The following LRP1B variants were observed in gnomAD, a reference collection of about 807,000 sequenced individuals.
LRP1B encodes the protein low-density lipoprotein receptor-related protein 1B.
Under a neutral mutation model 556.6 loss-of-function variants are expected in LRP1B, and 217 were observed. That is an observed-to-expected ratio of 0.39 (90% CI 0.35 to 0.44). The LOEUF (loss-of-function observed/expected upper bound fraction) is 0.44. Ranked by LOEUF, LRP1B falls within the 20% of genes least tolerant of loss-of-function variation. The pLI is 1.00. For synonymous variants in LRP1B, 2,047 were observed against 1,865.8 expected (o/e 1.10, Z -2.50); for missense variants, 5,053 against 5,620.8 (o/e 0.90, Z 3.23).
Position 141,540,066 on chromosome 2 carries a change from C to T in LRP1B, c.206-59533G>A, listed in dbSNP as rs116916357. ...TAAGCTGCTCAAGTCATGATAATGC[C>T]ACTTAAATCTTGTTCTGTGCTTAAT... On this transcript the variant is annotated intron_variant, in intron 2 of 90. Coordinates refer to ENST00000389484, the MANE Select transcript of LRP1B (RefSeq NM_018557.3). 3.2e-4 allele frequency among the ~76,000 whole-genome samples: 49 copies of T among 152,136 alleles called. 1 individual carries two copies. In the East Asian group the frequency reaches 8.9e-3, roughly 28 times the overall value.
At chr2:140,346,375 T>G (rs2105107087) in intron 77 of LRP1B, among the ~76,000 whole-genome samples, 1 of 151,974 alleles carries the variant, frequency 6.6e-6, no homozygotes, top group South Asian at 2.1e-4. Context: ...CCTCTTTGAC[T>G]TGTTTAGTAA....
chr2:141,980,851 C>CCT (rs1214038529), intron 1 of LRP1B, among the ~76,000 whole-genome samples: 1 of 151,966 alleles, frequency 6.6e-6, no homozygotes, highest in Non-Finnish European at 1.5e-5. Context: ...CAACTCAAGA[C>CCT]TATGTTCACT....
intron 7 of LRP1B, among the ~76,000 whole-genome samples, chr2:141,136,423 T>C (rs1701493640): frequency 6.6e-6 from 1 of 151,892 alleles, no homozygotes; most frequent in Non-Finnish European, 1.5e-5. Context: ...AAATTATAAA[T>C]TAATCTATAC....
At chr2:140,762,467 A>AG (rs757429338) in intron 35 of LRP1B, among the ~76,000 whole-genome samples, 12 of 151,160 alleles carry the variant, frequency 7.9e-5, no homozygotes, top group Non-Finnish European at 1.6e-4. Flanking sequence ...ACAAATATTA[A>AG]GGGTTTTTTT....
At chr2:141,021,205 C>T (rs1303294916) in intron 11 of LRP1B, among the ~76,000 whole-genome samples, 2 of 152,014 alleles carry the variant, frequency 1.3e-5, no homozygotes. Flanking sequence ...TCACATTTCC[C>T]TGTATGCAGA....
intron 2 of LRP1B, among the ~76,000 whole-genome samples, chr2:141,718,607 G>A (rs978010531): frequency 6.6e-6 from 1 of 152,160 alleles, no homozygotes; most frequent in African/African-American, 2.4e-5. Context: ...TGTATCAACA[G>A]TATGAATCAT....
At chr2:140,302,963 TC>T (rs1683897328) in intron 83 of LRP1B, among the ~76,000 whole-genome samples, 1 of 145,670 alleles carries the variant, frequency 6.9e-6, no homozygotes, top group African/African-American at 2.5e-5. Flanking sequence ...ACCATTGAAC[TC>T]CTCAGGCTCC....
At chr2:140,662,825 A>G (rs1459949238) in intron 41 of LRP1B, among the ~76,000 whole-genome samples, 1 of 152,144 alleles carries the variant, frequency 6.6e-6, no homozygotes, top group East Asian at 1.9e-4. Context: ...GAAATTTAAA[A>G]TTTTTTACAC....
chr2:141,657,890 A>T (rs1290821101), intron 2 of LRP1B, among the ~76,000 whole-genome samples: 2 of 152,210 alleles, frequency 1.3e-5, no homozygotes, highest in African/African-American at 4.8e-5. Flanking sequence ...TGAAACATAC[A>T]TTCATTTTGC....
intron 7 of LRP1B, among the ~76,000 whole-genome samples, chr2:141,162,518 C>A (rs1337088507): frequency 6.6e-6 from 1 of 152,030 alleles, no homozygotes; most frequent in African/African-American, 2.4e-5. Context: ...TACTATGAGT[C>A]ATAAAGTACT....
intron 2 of LRP1B, among the ~76,000 whole-genome samples, chr2:141,636,679 T>C (rs1689117823): frequency 6.6e-6 from 1 of 152,014 alleles, no homozygotes; most frequent in African/African-American, 2.4e-5. Context: ...TGAACTCAAC[T>C]AAAGGTCCTA....
chr2:140,582,532 A>C (rs987760188), intron 43 of LRP1B, among the ~76,000 whole-genome samples: 1 of 152,210 alleles, frequency 6.6e-6, no homozygotes, highest in Non-Finnish European at 1.5e-5. Flanking sequence ...TAAAACCGTG[A>C]GGGAAGAGAT....
intron 32 of LRP1B, among the ~76,000 whole-genome samples, chr2:140,777,663 A>G (rs1689546689): frequency 1.3e-5 from 2 of 152,212 alleles, no homozygotes; most frequent in South Asian, 4.1e-4. Flanking sequence ...ATAGGTGCAC[A>G]AATAATAATT....
chr2:140,511,279 A>G (rs184943330), intron 51 of LRP1B, among the ~76,000 whole-genome samples: 143 of 143,572 alleles, frequency 1.0e-3, no homozygotes, highest in African/African-American at 3.2e-3. Flanking sequence ...TCAAAATACA[A>G]TCCTCTAAGG....
At chr2:140,463,276 G>A (rs1468202658) in intron 60 of LRP1B, among the ~76,000 whole-genome samples, 3 of 152,144 alleles carry the variant, frequency 2.0e-5, no homozygotes, top group African/African-American at 4.8e-5. Context: ...GAGAAGGATC[G>A]TGGAGCCAGA....
chr2:140,926,899 T>G (rs1038554221), intron 20 of LRP1B, among the ~76,000 whole-genome samples: 5 of 152,160 alleles, frequency 3.3e-5, no homozygotes, highest in African/African-American at 1.2e-4. Flanking sequence ...CCTGTGTAAC[T>G]TGCATTGATA....
intron 3 of LRP1B, among the ~76,000 whole-genome samples, chr2:141,404,361 T>A (rs1054770254): frequency 6.6e-6 from 1 of 152,174 alleles, no homozygotes; most frequent in African/African-American, 2.4e-5. Context: ...CTTCAAGGTA[T>A]TTTACAGAAG....
At chr2:141,359,747 A>C (rs111239745) in intron 3 of LRP1B, among the ~76,000 whole-genome samples, 6,282 of 149,408 alleles carry the variant, frequency 0.042, 211 homozygotes, top group African/African-American at 0.081. Flanking sequence ...TAGAGTGAGA[A>C]TTCGGCCCCC....
chr2:140,278,868 A>C (rs950285541), intron 84 of LRP1B, among the ~76,000 whole-genome samples: 19 of 152,032 alleles, frequency 1.2e-4, no homozygotes, highest in South Asian at 4.1e-4. Flanking sequence ...AGGGGCAAAG[A>C]GTTGCTCACT....
Sources: gnomAD v4.1 joint callset for allele counts (sites outside exome capture counted in the v4.1 genomes callset) on GRCh38, gnomAD v4.1.1 for gene constraint, MANE v1.5 for transcripts, NCBI Gene and HGNC (gene_info 2026-07-23, HGNC 2026-07-21) for gene names.